Variants in KCNMA1 observed in about 807,000 individuals in gnomAD.
The protein encoded by KCNMA1 is Calcium-activated potassium channel subunit alpha-1.
KCNMA1 carries 29 observed loss-of-function variants against 140.0 expected under a neutral mutation model. The observed-to-expected ratio is 0.21, with a 90% confidence interval of 0.15 to 0.28. The LOEUF (loss-of-function observed/expected upper bound fraction) is 0.28. Among genes scored for constraint, KCNMA1 ranks in the 10% least tolerant of loss-of-function variants. The pLI, the probability that KCNMA1 is intolerant of heterozygous loss-of-function variation, is 1.00. For missense variants in KCNMA1, 880 were observed against 1,602.2 expected (o/e 0.55, Z 7.70); for synonymous variants, 612 against 611.9 (o/e 1.00, Z 0.00).
At chr10:77,012,431 A>G in intron 17 of KCNMA1, 1 of 1,548,584 alleles carries the variant, frequency 6.5e-7, no homozygotes, top group Non-Finnish European at 8.7e-7. Flanking sequence ...CAAAATTCCC[A>G]CAGTCTGGTC....
chr10:77,293,355 T>TG (rs879451850), intron 2 of KCNMA1, among the ~76,000 whole-genome samples: 2 of 151,940 alleles, frequency 1.3e-5, no homozygotes, highest in African/African-American at 2.4e-5. Context: ...ACAACAAGAA[T>TG]GGGGGGGACA....
Position 77,544,150 on chromosome 10 carries a change from C to CTCTGTGTGTGTGTG in KCNMA1, c.378+93114_378+93115insCACACACACACAGA, listed in dbSNP as rs1555434748. The stretch of plus-strand genomic sequence containing the variant: ...ATCTGTGATCTACATATCTTTCCAG[C>CTCTGTGTGTGTGTG]TGTGTGTGTGTGTGTGTGTGTGTGT... On this transcript the variant is annotated intron_variant, in intron 1 of 27. Coordinates refer to ENST00000286628, the MANE Select transcript of KCNMA1 (RefSeq NM_001161352.2). Among the ~76,000 whole-genome samples the CTCTGTGTGTGTGTG allele has an allele frequency of 1.6e-3, 231 of 142,554 alleles. 3 individuals carry two copies. Among genetic ancestry groups the CTCTGTGTGTGTGTG allele is most frequent in the South Asian group, 0.013 (56 of 4,338 alleles). 93.5% of individuals were successfully genotyped at this position (142,554 alleles called of 152,430 possible).
At chr10:77,267,870 C>G (rs931337414) in intron 2 of KCNMA1, among the ~76,000 whole-genome samples, 1 of 152,176 alleles carries the variant, frequency 6.6e-6, no homozygotes, top group Non-Finnish European at 1.5e-5. Context: ...CAGGAGATCA[C>G]CTGCCAAGAA....
At chr10:76,900,896 T>TAAAA (rs5786248) in intron 25 of KCNMA1, among the ~76,000 whole-genome samples, 236 of 146,256 alleles carry the variant, frequency 1.6e-3, no homozygotes, top group African/African-American at 5.4e-3. Flanking sequence ...CCCTATTTGT[T>TAAAA]AAAAAAAAAA....
rs531855862 is a variant in KCNMA1 at position 76,943,230 on chromosome 10, G to A, written c.2902+1543C>T. Among the ~76,000 whole-genome samples, 3 of 152,334 alleles carry A rather than the reference G, an allele frequency of 2.0e-5. No individual in the cohort carries two copies. In the South Asian group the frequency reaches 6.2e-4, roughly 32 times the overall value. ...GCTCTACCTCTTCAGGATGCAGCTG[G>A]GAGTAAGCTCAGAGCCTCTCCTAGG... On this transcript the variant is annotated intron_variant, in intron 23 of 27. Transcript: ENST00000286628.
At chr10:76,966,389 G>A (rs1441755913) in intron 20 of KCNMA1, among the ~76,000 whole-genome samples, 1 of 152,062 alleles carries the variant, frequency 6.6e-6, no homozygotes, top group South Asian at 2.1e-4. Flanking sequence ...TTGTAACCAG[G>A]GATCCTGAAT....
intron 1 of KCNMA1, among the ~76,000 whole-genome samples, chr10:77,481,788 A>G (rs896026877): frequency 2.2e-3 from 302 of 140,258 alleles, no homozygotes; most frequent in African/African-American, 6.1e-3. Context: ...AAAAAAAAAA[A>G]AAAGAAAGAA....
chr10:76,915,189 A>G, intron 23 of KCNMA1, 140 bp from the exon 24 acceptor site: 3 of 662,466 alleles, frequency 4.5e-6, no homozygotes. Context: ...TTCCCGGGAT[A>G]AACTCTGATG....
intron 2 of KCNMA1, among the ~76,000 whole-genome samples, chr10:77,306,225 A>G (rs1366888450): frequency 6.6e-6 from 1 of 152,240 alleles, no homozygotes; most frequent in African/African-American, 2.4e-5. Context: ...GGACCTTGCA[A>G]GGGTCCCTGA....
At position 76,970,061 on chromosome 10, in the gene KCNMA1, T is replaced by A; in HGVS notation, c.2273A>T (p.Asp758Val). The change falls in exon 20 of 28, where the codon GAT (aspartate) becomes GTT (valine). Residue 758 changes from aspartate to valine, a missense_variant. Coordinates refer to ENST00000286628, the MANE Select transcript of KCNMA1 (RefSeq NM_001161352.2). The stretch of plus-strand genomic sequence containing the variant: ...TGGTGATAGTGTTGACGGCTGCTCA[T>A]CTTCAACTGGAAATACAGGCAGCTC... ...DCSTSFRAFE[D>V]EQPSTLSPKK... 1.2e-6 allele frequency: 2 copies of A among 1,613,684 alleles called. No homozygotes were observed. The highest frequency in any genetic ancestry group is 1.7e-6 in the Non-Finnish European group (2 of 1,179,678).
At chr10:76,995,155 A>G (rs2083860059) in intron 19 of KCNMA1, 2 of 159,818 alleles carry the variant, frequency 1.3e-5, no homozygotes, top group Non-Finnish European at 2.8e-5. Context: ...CGTGAGCCGC[A>G]CGCTCCCACA....
chr10:77,467,418 G>A (rs778667536), intron 1 of KCNMA1, among the ~76,000 whole-genome samples: 4 of 152,188 alleles, frequency 2.6e-5, no homozygotes, highest in Non-Finnish European at 4.4e-5. Flanking sequence ...AATGCTGAGC[G>A]AATAGGGGAT....
chr10:77,146,643 A>G (rs1166514062), intron 5 of KCNMA1, among the ~76,000 whole-genome samples: 1 of 131,036 alleles, frequency 7.6e-6, no homozygotes, highest in East Asian at 2.6e-4. Flanking sequence ...TGGAGGTTGC[A>G]GTGAGCGGAG....
intron 3 of KCNMA1, among the ~76,000 whole-genome samples, chr10:77,230,364 G>A (rs2053169414): frequency 6.6e-6 from 1 of 152,224 alleles, no homozygotes; most frequent in South Asian, 2.1e-4. Flanking sequence ...CTAAATAGAA[G>A]TGATGGTTGC....
chr10:77,109,235 C>T (rs146735591), intron 8 of KCNMA1, among the ~76,000 whole-genome samples: 6 of 152,146 alleles, frequency 3.9e-5, no homozygotes, highest in South Asian at 2.1e-4. Context: ...GAAATGCTTG[C>T]GTGAATGTAC....
intron 1 of KCNMA1, among the ~76,000 whole-genome samples, chr10:77,614,068 G>T (rs1464220319): frequency 1.3e-5 from 2 of 152,172 alleles, no homozygotes; most frequent in African/African-American, 4.8e-5. Flanking sequence ...GCCTGGGTGG[G>T]TGTCTAGTCT....
chr10:77,040,294 G>A (rs1292494084), intron 14 of KCNMA1, among the ~76,000 whole-genome samples: 1 of 152,072 alleles, frequency 6.6e-6, no homozygotes, highest in African/African-American at 2.4e-5. Flanking sequence ...ATCAAAATTT[G>A]TAAAAGTACA....
intron 1 of KCNMA1, among the ~76,000 whole-genome samples, chr10:77,543,590 T>G (rs2060694074): frequency 6.6e-6 from 1 of 152,020 alleles, no homozygotes; most frequent in African/African-American, 2.4e-5. Context: ...TAGAAGAAAT[T>G]AACAAAAACA....
rs768061213 is a variant in KCNMA1, at chr10:76,914,971, G to A, written c.2981C>T (p.Thr994Ile). ...GATGATGGGGATGTTGACCCCAGTT[G>A]TGATGGATGGTTGACGTAACATCCC... The part of the protein sequence containing the change: ...VHGMLRQPSI[T>I]TGVNIPIITE... Residue 994 changes from threonine (T) to isoleucine (I), a missense_variant, in exon 24 of 28, where the codon ACA (threonine) becomes ATA (isoleucine). Thr to Ile is a moderately conservative substitution (Grantham distance 89). Coordinates refer to ENST00000286628, the MANE Select transcript of KCNMA1 (RefSeq NM_001161352.2). The A allele has an allele frequency of 1.1e-5, 17 of 1,613,484 alleles. No homozygotes were observed. Among genetic ancestry groups the A allele is most frequent in the Middle Eastern group, 3.3e-4 (2 of 6,078 alleles).
Sources: gnomAD v4.1 joint callset for allele counts (sites outside exome capture counted in the v4.1 genomes callset) on GRCh38, gnomAD v4.1.1 for gene constraint, MANE v1.5 for transcripts, NCBI Gene and HGNC (gene_info 2026-07-23, HGNC 2026-07-21) for gene names.